The following MDGA2 variants were observed in gnomAD, a reference collection of about 807,000 sequenced individuals.
MDGA2 encodes the protein MAM domain-containing glycosylphosphatidylinositol anchor protein 2.
In MDGA2, 40 loss-of-function variants were observed where a neutral mutation model predicts 117.8. The observed-to-expected ratio is 0.34, with a 90% CI of 0.26 to 0.44. The LOEUF (loss-of-function observed/expected upper bound fraction) is 0.44, where lower values mean the gene tolerates loss of function less well. MDGA2 is among the 20% of genes least tolerant of loss of function. MDGA2 has a pLI of 1.00. For synonymous variants in MDGA2, 452 were observed against 439.0 expected (o/e 1.03, Z -0.37); for missense variants, 1,123 against 1,250.6 (o/e 0.90, Z 1.54).
intron 1 of MDGA2, among the ~76,000 whole-genome samples, chr14:47,458,394 C>A (rs923280015): frequency 2.0e-5 from 3 of 152,110 alleles, no homozygotes; most frequent in African/African-American, 7.2e-5. Flanking sequence ...TGGTTTCCTT[C>A]TGGAAGTTTT....
intron 9 of MDGA2, among the ~76,000 whole-genome samples, chr14:46,946,447 T>C (rs1235870657): frequency 6.6e-6 from 1 of 152,008 alleles, no homozygotes; most frequent in East Asian, 1.9e-4. Context: ...AATGAATGCA[T>C]TTGCTTGTGA....
At chr14:47,306,336 C>T (rs1026902209) in intron 1 of MDGA2, among the ~76,000 whole-genome samples, 2 of 152,126 alleles carry the variant, frequency 1.3e-5, no homozygotes, top group Admixed American at 6.5e-5. Flanking sequence ...CATTACCCAC[C>T]GTTGGGGGAA....
intron 1 of MDGA2, among the ~76,000 whole-genome samples, chr14:47,457,603 T>G (rs1893382580): frequency 6.6e-6 from 1 of 152,174 alleles, no homozygotes. Context: ...CAATATGACT[T>G]GTATTCTACA....
chr14:46,959,263 G>A (rs879367455), intron 8 of MDGA2, among the ~76,000 whole-genome samples: 31,292 of 121,506 alleles, frequency 0.26, 3,716 homozygotes, highest in African/African-American at 0.48. Flanking sequence ...GTGTGTGTGT[G>A]TGTGTGTGTG....
At chr14:47,496,079 T>C (rs1018851580) in intron 1 of MDGA2, among the ~76,000 whole-genome samples, 4 of 152,274 alleles carry the variant, frequency 2.6e-5, no homozygotes, top group Admixed American at 6.6e-5. Context: ...TATTTTTTCA[T>C]TCTACACATT....
rs1491118054 is a variant in MDGA2, at chr14:47,289,337, ACG to A, written c.420+12072_420+12073del. On this transcript the variant is annotated intron_variant, in intron 2 of 16. Coordinates refer to ENST00000399232, the MANE Select transcript of MDGA2 (RefSeq NM_001113498.3). ...CACACACACACACACACACACACAC[ACG>A]CACACACTCTCATACTTAAGGCATA... Among the ~76,000 whole-genome samples the A allele has an allele frequency of 1.9e-3, 287 of 149,014 alleles. 2 individuals carry two copies. The highest frequency in any genetic ancestry group is 6.6e-3 in the African/African-American group (270 of 40,606).
intron 3 of MDGA2, among the ~76,000 whole-genome samples, chr14:47,148,828 C>T (rs1566651284): frequency 6.6e-6 from 1 of 152,168 alleles, no homozygotes; most frequent in Non-Finnish European, 1.5e-5. Context: ...TTTCATTAGA[C>T]AGCCATATGC....
intron 2 of MDGA2, among the ~76,000 whole-genome samples, chr14:47,290,928 G>T (rs1216063024): frequency 2.0e-5 from 3 of 152,126 alleles, no homozygotes; most frequent in African/African-American, 7.2e-5. Context: ...GGACAACAAA[G>T]GGAGCATGTA....
intron 3 of MDGA2, among the ~76,000 whole-genome samples, chr14:47,144,839 A>G (rs1882874884): frequency 1.3e-5 from 1 of 79,418 alleles, no homozygotes; most frequent in Non-Finnish European, 2.6e-5. Flanking sequence ...TTGTACAGAC[A>G]GGGACTGGCT....
chr14:47,649,678 T>G (rs995907557), intron 1 of MDGA2, among the ~76,000 whole-genome samples: 2 of 108,424 alleles, frequency 1.8e-5, no homozygotes, highest in Non-Finnish European at 3.7e-5. Flanking sequence ...GAGTGAGGCT[T>G]CATCTCAAAA....
At chr14:47,598,884 A>C (rs1163193784) in intron 1 of MDGA2, among the ~76,000 whole-genome samples, 1 of 152,200 alleles carries the variant, frequency 6.6e-6, no homozygotes, top group Non-Finnish European at 1.5e-5. Flanking sequence ...CCACCTAAAT[A>C]AGGTTCAAAG....
At chr14:47,344,763 A>C (rs1890727039) in intron 1 of MDGA2, among the ~76,000 whole-genome samples, 1 of 152,008 alleles carries the variant, frequency 6.6e-6, no homozygotes, top group East Asian at 1.9e-4. Flanking sequence ...TGCAAAAAAA[A>C]ATACTTTCCC....
At chr14:47,551,787 G>T (rs895614298) in intron 1 of MDGA2, among the ~76,000 whole-genome samples, 1 of 152,116 alleles carries the variant, frequency 6.6e-6, no homozygotes, top group Middle Eastern at 3.4e-3. Context: ...CCATATTTAA[G>T]AATTTTTTTT....
intron 3 of MDGA2, among the ~76,000 whole-genome samples, chr14:47,191,501 G>A (rs1335155933): frequency 3.3e-5 from 5 of 150,250 alleles, no homozygotes; most frequent in African/African-American, 7.3e-5. Context: ...GCCATCTTAC[G>A]GTTATCTTTA....
chr14:47,462,792 TA>T (rs1254612264), intron 1 of MDGA2, among the ~76,000 whole-genome samples: 1 of 152,230 alleles, frequency 6.6e-6, no homozygotes, highest in African/African-American at 2.4e-5. Flanking sequence ...CATTTTTGCC[TA>T]GAATGTTTCA....
intron 1 of MDGA2, among the ~76,000 whole-genome samples, chr14:47,432,383 G>A (rs17118646): frequency 0.014 from 2,113 of 151,938 alleles, 45 homozygotes; most frequent in African/African-American, 0.042. Context: ...ATATATATCC[G>A]CTAAATTAGA....
At chr14:47,081,874 A>G (rs1333351832) in intron 6 of MDGA2, among the ~76,000 whole-genome samples, 2 of 152,166 alleles carry the variant, frequency 1.3e-5, no homozygotes, top group African/African-American at 2.4e-5. Context: ...ATTACATTGT[A>G]AAATTATGCT....
intron 1 of MDGA2, among the ~76,000 whole-genome samples, chr14:47,501,989 A>G (rs1894408669): frequency 6.6e-6 from 1 of 152,336 alleles, no homozygotes; most frequent in Admixed American, 6.5e-5. Flanking sequence ...ATTTCCAGTA[A>G]AATTATCTAG....
chr14:47,313,806 T>C (rs1889717923), intron 1 of MDGA2, among the ~76,000 whole-genome samples: 1 of 152,020 alleles, frequency 6.6e-6, no homozygotes, highest in African/African-American at 2.4e-5. Flanking sequence ...GTCAGTACAG[T>C]TGTGGGGGGA....
Sources: allele counts gnomAD v4.1 joint callset (sites outside exome capture counted in the v4.1 genomes callset), GRCh38; gene constraint gnomAD v4.1.1; transcripts MANE v1.5; gene names NCBI Gene and HGNC (gene_info 2026-07-23, HGNC 2026-07-21).